The following SLC66A2 variants were observed in gnomAD, a reference collection of about 807,000 sequenced individuals.
SLC66A2 encodes the protein PQ loop repeat containing 1.
In SLC66A2, 23 loss-of-function variants were observed where a neutral mutation model predicts 25.5. The ratio of observed to expected loss-of-function variants is 0.90; its 90% CI spans 0.65 to 1.28. The LOEUF is 1.28. Among genes scored for constraint, SLC66A2 ranks in the 50% most tolerant of loss-of-function variants. The probability of loss-of-function intolerance (pLI) is 0.00; values close to 1 mark genes in which losing one functional copy is unlikely to be tolerated. For missense variants in SLC66A2, 396 were observed against 373.1 expected (o/e 1.06, Z -0.51); for synonymous variants, 193 against 166.5 (o/e 1.16, Z -1.23).
At chr18:79,912,510 G>A (rs557972006) in intron 5 of SLC66A2, among the ~76,000 whole-genome samples, 2 of 151,260 alleles carry the variant, frequency 1.3e-5, no homozygotes, top group Admixed American at 6.6e-5. Context: ...GCCAGGCCAC[G>A]TGTCGCCAGG....
chr18:79,921,948 C>G (rs915452966), intron 4 of SLC66A2, among the ~76,000 whole-genome samples: 3 of 137,116 alleles, frequency 2.2e-5, no homozygotes, highest in Admixed American at 7.4e-5. Context: ...GAGGGGCAGC[C>G]GAGGGTCAGA....
chr18:79,935,130 GGGGTGGGAGGGAGGGA>G (rs1986949902), intron 3 of SLC66A2, among the ~76,000 whole-genome samples: 1 of 152,086 alleles, frequency 6.6e-6, no homozygotes, highest in Non-Finnish European at 1.5e-5. Flanking sequence ...AGATCCTCAA[GGGGTGGGAGGGAGGGA>G]CCACCCAAGG....
At chr18:79,916,222 A>AC (rs1984103633) in intron 5 of SLC66A2, among the ~76,000 whole-genome samples, 1 of 120,424 alleles carries the variant, frequency 8.3e-6, no homozygotes, top group Non-Finnish European at 1.7e-5. Context: ...GCGCTCTTGT[A>AC]CCTGCGGCAC....
intron 2 of SLC66A2, among the ~76,000 whole-genome samples, chr18:79,948,851 C>T (rs2051020271): frequency 6.6e-6 from 1 of 152,164 alleles, no homozygotes; most frequent in Admixed American, 6.5e-5. Context: ...TGCCGACCAG[C>T]GTCTCCCCAA....
At chr18:79,933,448 G>A (rs1986769464) in intron 4 of SLC66A2, among the ~76,000 whole-genome samples, 1 of 152,098 alleles carries the variant, frequency 6.6e-6, no homozygotes, top group South Asian at 2.1e-4. Flanking sequence ...CAACTACATT[G>A]GTAAGGAAGA....
At chr18:79,911,322 G>A (rs1022551324) in intron 5 of SLC66A2, among the ~76,000 whole-genome samples, 5 of 152,384 alleles carry the variant, frequency 3.3e-5, no homozygotes, top group Admixed American at 3.3e-4. Context: ...GGCAGGCCAG[G>A]AGGCAGGCGG....
chr18:79,912,289 C>T (rs1983348335), intron 5 of SLC66A2, among the ~76,000 whole-genome samples: 1 of 152,164 alleles, frequency 6.6e-6, no homozygotes, highest in South Asian at 2.1e-4. Flanking sequence ...AAAACTCGTT[C>T]ATGAGTGTCC....
rs1036478591 is a variant in SLC66A2, at chr18:79,918,874, T to C, written c.608+310A>G. Among the ~76,000 whole-genome samples, 3 of 152,184 alleles carry C rather than the reference T, an allele frequency of 2.0e-5. No individual in the cohort carries two copies. Among genetic ancestry groups the C allele is most frequent in the Admixed American group, 6.5e-5 (1 of 15,286 alleles). On this transcript the variant is annotated intron_variant, in intron 5 of 5. Coordinates refer to ENST00000397778, the MANE Select transcript of SLC66A2 (RefSeq NM_025078.5). The surrounding 1 kb of genome is among the most constrained non-coding windows in gnomAD (Gnocchi z 4.0). ...GGCCAGGCTGGTTGCCCTGCACTCC[T>C]CCTGCCCCGTCTGGCCAGGCACTCG... is the stretch of plus-strand genomic sequence containing the variant.
At chr18:79,938,445 T>G (rs889255976) in intron 3 of SLC66A2, among the ~76,000 whole-genome samples, 8 of 152,130 alleles carry the variant, frequency 5.3e-5, no homozygotes, top group Non-Finnish European at 8.8e-5. Context: ...CGGGGCCCTG[T>G]GGGACATCTC....
Position 79,940,011 on chromosome 18 carries a change from C to A in SLC66A2, c.337+3318G>T. Among the ~76,000 whole-genome samples, 1 of 152,124 alleles carries A rather than the reference C, an allele frequency of 6.6e-6. No homozygotes were observed. Among genetic ancestry groups the A allele is most frequent in the African/African-American group, 2.4e-5 (1 of 41,402 alleles). On this transcript the variant is annotated intron_variant, in intron 3 of 5. Coordinates refer to ENST00000397778, the MANE Select transcript of SLC66A2 (RefSeq NM_025078.5). The surrounding 1 kb of genome is among the most constrained non-coding windows in gnomAD (Gnocchi z 4.1). ...CATCTAGATTTTCTTCTGGATGAAGCAAATGTGGTACGTATACACCACGGA... is the reference window on the plus strand; with the variant it reads ...CATCTAGATTTTCTTCTGGATGAAGAAAATGTGGTACGTATACACCACGGA...
chr18:79,938,097 G>A (rs536309926), intron 3 of SLC66A2, among the ~76,000 whole-genome samples: 1 of 149,798 alleles, frequency 6.7e-6, no homozygotes, highest in African/African-American at 2.5e-5. Flanking sequence ...AATGAGCTTT[G>A]ATAACACCAC....
chr18:79,939,677 G>T (rs993613276), intron 3 of SLC66A2, among the ~76,000 whole-genome samples: 1 of 152,116 alleles, frequency 6.6e-6, no homozygotes, highest in African/African-American at 2.4e-5. Flanking sequence ...AAACCACAAT[G>T]AGATGCCGTC....
rs1984518395 is a variant in SLC66A2 at position 79,918,421 on chromosome 18, G to GGC, written c.608+762_608+763insGC. 2.3e-5 allele frequency among the ~76,000 whole-genome samples: 1 copy of GGC among 43,834 alleles called. No individual in the cohort carries two copies. Among genetic ancestry groups the GGC allele is most frequent in the Admixed American group, 3.7e-4 (1 of 2,686 alleles). 28.8% of individuals were successfully genotyped at this position (43,834 alleles called of 152,430 possible). On this transcript the variant is annotated intron_variant, in intron 5 of 5. Transcript: ENST00000397778. This position sits in a 1 kb window ranked among gnomAD's most constrained non-coding sequence, Gnocchi z 4.0. Reference sequence around the variant, plus strand: ...CGGATCCCCAGTGAGGAGCGGGCCCGGGGGGGGGTCCCCAGTGAGGAGCGG... The same window carrying GGC: ...CGGATCCCCAGTGAGGAGCGGGCCCGGCGGGGGGGGTCCCCAGTGAGGAGCGG...
Position 79,919,407 on chromosome 18 carries a change from C to T in SLC66A2, c.392-7G>A, listed in dbSNP as rs776374864. On this transcript the variant is annotated splice_polypyrimidine_tract_variant and splice_region_variant and intron_variant, in intron 4 of 5. Coordinates refer to ENST00000397778, the MANE Select transcript of SLC66A2 (RefSeq NM_025078.5). Reference sequence around the variant, plus strand: ...AAGTGGTGGGGGTCGAAGTCTAGGGCGAGAGGGAGAAGCAGCCTCAGCACA... The same window carrying T: ...AAGTGGTGGGGGTCGAAGTCTAGGGTGAGAGGGAGAAGCAGCCTCAGCACA... 72 of 1,610,678 alleles carry T rather than the reference C, an allele frequency of 4.5e-5. No homozygotes were observed. The highest frequency in any genetic ancestry group is 1.6e-4 in the Middle Eastern group (1 of 6,068).
intron 3 of SLC66A2, among the ~76,000 whole-genome samples, chr18:79,935,872 G>C (rs535466085): frequency 6.6e-6 from 1 of 152,238 alleles, no homozygotes; most frequent in Non-Finnish European, 1.5e-5. Context: ...AGCCTCCCCA[G>C]ATGCTCCTGA....
intron 5 of SLC66A2, among the ~76,000 whole-genome samples, chr18:79,914,124 T>C (rs1223366520): frequency 6.6e-6 from 1 of 152,220 alleles, no homozygotes; most frequent in African/African-American, 2.4e-5. Flanking sequence ...CAGGCTGGTC[T>C]TGAACTCCTA....
rs1986078807 is a variant in SLC66A2 at position 79,927,371 on chromosome 18, A to T, written c.391+6598T>A. Reference sequence around the variant, plus strand: ...TGGAGGGACCTGAGGGGCACAGGCTACAGTCAGGAGAGCACAGACAAGAGG... The same window carrying T: ...TGGAGGGACCTGAGGGGCACAGGCTTCAGTCAGGAGAGCACAGACAAGAGG... On this transcript the variant is annotated intron_variant, in intron 4 of 5. Coordinates refer to ENST00000397778, the MANE Select transcript of SLC66A2 (RefSeq NM_025078.5). The surrounding 1 kb of genome is among the most constrained non-coding windows in gnomAD (Gnocchi z 6.2). 6.6e-6 allele frequency among the ~76,000 whole-genome samples: 1 copy of T among 151,986 alleles called. No homozygotes were observed. Among genetic ancestry groups the T allele is most frequent in the Non-Finnish European group, 1.5e-5 (1 of 68,006 alleles).
At chr18:79,924,149 C>T (rs951279661) in intron 4 of SLC66A2, among the ~76,000 whole-genome samples, 2 of 152,110 alleles carry the variant, frequency 1.3e-5, no homozygotes, top group African/African-American at 2.4e-5. Flanking sequence ...GGCAGAGGGA[C>T]AGCAGGGTGA....
rs1421046362 is a variant in SLC66A2, at chr18:79,904,046, T to C, written c.746A>G (p.Tyr249Cys). The C allele has an allele frequency of 3.7e-6, 6 of 1,609,522 alleles. No individual in the cohort carries two copies. The highest frequency in any genetic ancestry group is 5.1e-6 in the Non-Finnish European group (6 of 1,178,598). ...CTTCTGGGGGTGGCGGGCGAAGGCG[T>C]AGGCCTGCCCCAGGATGGCCAGGTC... Reference protein sequence around the residue: ...LVDLAILGQAYAFARHPQKPA... With the variant: ...LVDLAILGQACAFARHPQKPA... Residue 249 changes from tyrosine (Y) to cysteine (C), a missense_variant, in exon 6 of 6, where the codon TAC (tyrosine) becomes TGC (cysteine). Coordinates refer to ENST00000397778, the MANE Select transcript of SLC66A2 (RefSeq NM_025078.5). The surrounding 1 kb of genome is among the most constrained non-coding windows in gnomAD (Gnocchi z 6.3).
Sources: gnomAD v4.1 joint callset for allele counts (sites outside exome capture counted in the v4.1 genomes callset) on GRCh38, gnomAD v4.1.1 for gene constraint, Gnocchi (gnomAD v3.1) non-coding constraint, MANE v1.5 for transcripts, NCBI Gene and HGNC (gene_info 2026-07-23, HGNC 2026-07-21) for gene names.